CFAP144: variants seen among roughly 807,000 people sequenced by gnomAD.
CFAP144 encodes cilia and flagella associated protein 144.
chr1:43,152,960 C>A, the CFAP144 span: 1 of 1,592,938 alleles, frequency 6.3e-7, no homozygotes, highest in Non-Finnish European at 8.6e-7. Context: ...TCAGGAAATA[C>A]GAGGAAACAC....
chr1:43,154,064 A>G, the CFAP144 span, among the ~76,000 whole-genome samples: 2,961 of 40,882 alleles, frequency 0.072, 67 homozygotes, highest in African/African-American at 0.32. Context: ...ATGTGTGTGT[A>G]TATATATATA....
At chr1:43,152,714 C>G in the CFAP144 span, 1 of 1,216,362 alleles carries the variant, frequency 8.2e-7, no homozygotes, top group Non-Finnish European at 1.1e-6. Flanking sequence ...TGAGGCAAAC[C>G]TCCAAGGCAC....
At chr1:43,151,432 G>A in the CFAP144 span, among the ~76,000 whole-genome samples, 1 of 152,312 alleles carries the variant, frequency 6.6e-6, no homozygotes, top group East Asian at 1.9e-4. Context: ...CAAGTAAAGA[G>A]GGACCATGAC....
At chr1:43,148,257 A>G in the CFAP144 span, among the ~76,000 whole-genome samples, 2 of 151,990 alleles carry the variant, frequency 1.3e-5, no homozygotes, top group African/African-American at 4.8e-5. Flanking sequence ...ATCATATCAG[A>G]TGTATTCGCT....
chr1:43,151,821 T>A, the CFAP144 span, among the ~76,000 whole-genome samples: 1 of 152,030 alleles, frequency 6.6e-6, no homozygotes, highest in African/African-American at 2.4e-5. Context: ...GATAAGTCAG[T>A]AGACTAATAG....
chr1:43,154,343 T>A, the CFAP144 span, among the ~76,000 whole-genome samples: 1 of 145,962 alleles, frequency 6.9e-6, no homozygotes, highest in Non-Finnish European at 1.5e-5. Flanking sequence ...TCCCCTCTTT[T>A]TATATATATA....
At chr1:43,147,905 GA>G in the CFAP144 span, 2 of 1,607,568 alleles carry the variant, frequency 1.2e-6, no homozygotes, top group East Asian at 4.5e-5. Context: ...GCGTTGCCTG[GA>G]GACTGTGGAA....
chr1:43,155,762 A>G, the CFAP144 span, among the ~76,000 whole-genome samples: 2 of 152,370 alleles, frequency 1.3e-5, no homozygotes, highest in African/African-American at 2.4e-5. Flanking sequence ...TGGCAAAGCC[A>G]GACTCAATGA....
chr1:43,151,544 T>C, the CFAP144 span, among the ~76,000 whole-genome samples: 2 of 152,156 alleles, frequency 1.3e-5, no homozygotes, highest in Admixed American at 1.3e-4. Flanking sequence ...GAGAAGATTG[T>C]GGAAGGACAT....
At chr1:43,150,412 C>T in the CFAP144 span, among the ~76,000 whole-genome samples, 1 of 152,246 alleles carries the variant, frequency 6.6e-6, no homozygotes, top group African/African-American at 2.4e-5. Context: ...TGTTCTCTGT[C>T]TTGGCTGTAG....
chr1:43,146,624 A>G, the CFAP144 span, among the ~76,000 whole-genome samples: 2 of 152,218 alleles, frequency 1.3e-5, no homozygotes, highest in Non-Finnish European at 2.9e-5. Flanking sequence ...TCAAAATAAT[A>G]TATTAAGAAC....
At chr1:43,154,671 G>GA in the CFAP144 span, among the ~76,000 whole-genome samples, 116 of 152,090 alleles carry the variant, frequency 7.6e-4, 1 homozygote, top group East Asian at 0.019. Context: ...AGTGCTAGTG[G>GA]AAAAAAATAA....
chr1:43,146,125 A>C, the CFAP144 span, among the ~76,000 whole-genome samples: 4 of 152,194 alleles, frequency 2.6e-5, no homozygotes, highest in Non-Finnish European at 5.9e-5. Context: ...TAAAACAACA[A>C]ATCCTCTTAA....
chr1:43,148,028 A>T, the CFAP144 span: 1 of 1,614,020 alleles, frequency 6.2e-7, no homozygotes, highest in Non-Finnish European at 8.5e-7. Flanking sequence ...CTGTACCTCA[A>T]GGAGCTACGA....
the CFAP144 span, among the ~76,000 whole-genome samples, chr1:43,143,065 G>A: frequency 6.6e-6 from 1 of 152,092 alleles, no homozygotes; most frequent in Admixed American, 6.6e-5. Flanking sequence ...CAGCTAATAA[G>A]TATAGTACAC....
At chr1:43,143,775 A>C in the CFAP144 span, among the ~76,000 whole-genome samples, 1 of 152,216 alleles carries the variant, frequency 6.6e-6, no homozygotes, top group Non-Finnish European at 1.5e-5. Context: ...CAAAAAGTTC[A>C]GTTCTGCTCT....
the CFAP144 span, chr1:43,145,121 T>G: frequency 2.7e-5 from 19 of 697,176 alleles, no homozygotes; most frequent in Admixed American, 2.3e-5. Context: ...TCCTTTTTTT[T>G]GACAGTTTGC....
chr1:43,155,162 C>T, the CFAP144 span, among the ~76,000 whole-genome samples: 1 of 152,016 alleles, frequency 6.6e-6, no homozygotes, highest in Non-Finnish European at 1.5e-5. Context: ...GAATCTTTGC[C>T]GGGGAGAAGA....
the CFAP144 span, among the ~76,000 whole-genome samples, chr1:43,147,524 T>C: frequency 1.2e-3 from 178 of 152,338 alleles, no homozygotes; most frequent in African/African-American, 3.7e-3. Context: ...GAGGTTTTGA[T>C]TCTGGGCATC....
Sources: gnomAD v4.1 joint callset for allele counts (sites outside exome capture counted in the v4.1 genomes callset) on GRCh38, gnomAD v4.1.1 for gene constraint, MANE v1.5 for transcripts, NCBI Gene and HGNC (gene_info 2026-07-23, HGNC 2026-07-21) for gene names.